UBTD1: variants seen among roughly 807,000 people sequenced by gnomAD.
UBTD1 encodes ubiquitin domain-containing protein 1.
Under a neutral mutation model 21.7 loss-of-function variants are expected in UBTD1, and 19 were observed. The observed-to-expected ratio is 0.87, with a 90% CI of 0.61 to 1.28. The LOEUF is 1.28. Ranked by LOEUF, UBTD1 falls within the 50% of genes most tolerant of loss-of-function variation. UBTD1 has a pLI of 0.00. For missense variants in UBTD1, 282 were observed against 315.1 expected, an observed-to-expected ratio of 0.89 and a Z score of 0.80; for synonymous variants, 116 against 135.1, an observed-to-expected ratio of 0.86 and a Z score of 0.98.
At chr10:97,518,283 T>C (rs1029191539) in intron 1 of UBTD1, among the ~76,000 whole-genome samples, 1 of 152,180 alleles carries the variant, frequency 6.6e-6, no homozygotes, top group Non-Finnish European at 1.5e-5. Context: ...TGCGGCTTCC[T>C]TCCTGTTTGA....
chr10:97,559,777 C>A (rs558617508), intron 1 of UBTD1, among the ~76,000 whole-genome samples: 1 of 152,054 alleles, frequency 6.6e-6, no homozygotes, highest in South Asian at 2.1e-4. Context: ...TCCAGTTCAC[C>A]GAAAAACTGG....
chr10:97,570,276 G>A lies in UBTD1; in HGVS notation c.437G>A (p.Arg146His), dbSNP rs762075717. 9 of 1,613,030 alleles carry A rather than the reference G, an allele frequency of 5.6e-6. No individual in the cohort carries two copies. Among genetic ancestry groups the A allele is most frequent in the African/African-American group, 2.7e-5 (2 of 74,928 alleles). ...CCCCCCGAGCCTCCACCCAGCGTGC[G>A]CCGTGAGTTCCCGCTGAAGGTGCGC... ...LEPPEPPPSV[R>H]REFPLKVRLS... The change falls in exon 3 of 3, where the codon CGC (arginine) becomes CAC (histidine). Residue 146 changes from arginine (R) to histidine (H), a missense_variant. Physicochemically the swap from Arg to His is conservative, Grantham distance 29. Coordinates refer to ENST00000370664, the MANE Select transcript of UBTD1 (RefSeq NM_024954.5). The surrounding 1 kb of genome is among the most constrained non-coding windows in gnomAD (Gnocchi z 6.6).
At chr10:97,500,024 C>T (rs1005471714) in intron 1 of UBTD1, among the ~76,000 whole-genome samples, 1 of 152,202 alleles carries the variant, frequency 6.6e-6, no homozygotes, top group African/African-American at 2.4e-5. Context: ...GGGTCTTACA[C>T]TCACTTCCTT....
At chr10:97,558,106 G>A (rs534374077) in intron 1 of UBTD1, among the ~76,000 whole-genome samples, 2 of 152,126 alleles carry the variant, frequency 1.3e-5, no homozygotes, top group Non-Finnish European at 2.9e-5. Flanking sequence ...TCACTTTGCA[G>A]GGGTTGGCGA....
intron 1 of UBTD1, among the ~76,000 whole-genome samples, chr10:97,520,712 C>T (rs1448655042): frequency 6.6e-6 from 1 of 152,122 alleles, no homozygotes; most frequent in African/African-American, 2.4e-5. Context: ...CCATGTACCA[C>T]CTTTGGGTGA....
At chr10:97,509,632 G>A (rs2040413639) in intron 1 of UBTD1, among the ~76,000 whole-genome samples, 1 of 152,088 alleles carries the variant, frequency 6.6e-6, no homozygotes, top group African/African-American at 2.4e-5. Flanking sequence ...CAATCACAAG[G>A]GCTGGCCATG....
intron 1 of UBTD1, among the ~76,000 whole-genome samples, chr10:97,518,298 G>A (rs925904314): frequency 2.6e-5 from 4 of 152,152 alleles, no homozygotes; most frequent in East Asian, 1.9e-4. Context: ...GTTTGATGCC[G>A]ACCTCGCTCC....
chr10:97,521,795 C>A (rs1457486786), intron 1 of UBTD1, among the ~76,000 whole-genome samples: 2 of 152,214 alleles, frequency 1.3e-5, no homozygotes, highest in African/African-American at 4.8e-5. Context: ...ACCCACCTGG[C>A]CAGGCTCTGG....
At chr10:97,553,043 G>A (rs186330282) in intron 1 of UBTD1, among the ~76,000 whole-genome samples, 1 of 152,344 alleles carries the variant, frequency 6.6e-6, no homozygotes, top group African/African-American at 2.4e-5. Context: ...TCAGTACCTC[G>A]CAGAGGCGTG....
intron 1 of UBTD1, among the ~76,000 whole-genome samples, chr10:97,518,665 C>T (rs2040454624): frequency 6.6e-6 from 1 of 152,230 alleles, no homozygotes; most frequent in Non-Finnish European, 1.5e-5. Context: ...AGCTGTGCAT[C>T]TCCCTGGTCT....
At chr10:97,553,463 T>C (rs937911331) in intron 1 of UBTD1, among the ~76,000 whole-genome samples, 1 of 152,228 alleles carries the variant, frequency 6.6e-6, no homozygotes, top group African/African-American at 2.4e-5. Flanking sequence ...ATTAATATGT[T>C]CATCATCGAC....
intron 1 of UBTD1, among the ~76,000 whole-genome samples, chr10:97,516,577 C>A (rs1055255525): frequency 1.7e-4 from 26 of 151,984 alleles, no homozygotes; most frequent in African/African-American, 5.8e-4. Context: ...AGATCAAGAC[C>A]ATCCTGGCTA....
intron 1 of UBTD1, among the ~76,000 whole-genome samples, chr10:97,528,964 C>G (rs1246459267): frequency 1.3e-5 from 2 of 151,878 alleles, no homozygotes; most frequent in African/African-American, 2.4e-5. Context: ...ACCTCCCTCC[C>G]GGACAGGGTG....
At chr10:97,534,628 A>G (rs1343352088) in intron 1 of UBTD1, among the ~76,000 whole-genome samples, 1 of 151,242 alleles carries the variant, frequency 6.6e-6, no homozygotes, top group African/African-American at 2.4e-5. Flanking sequence ...TTACTCCTAA[A>G]AAAGCTAATA....
At chr10:97,509,737 G>A (rs373288738) in intron 1 of UBTD1, among the ~76,000 whole-genome samples, 3 of 151,960 alleles carry the variant, frequency 2.0e-5, no homozygotes, top group Admixed American at 6.6e-5. Context: ...TGCAACTTCC[G>A]CCTCCTGGAT....
At chr10:97,521,910 C>T (rs929953916) in intron 1 of UBTD1, among the ~76,000 whole-genome samples, 1 of 152,224 alleles carries the variant, frequency 6.6e-6, no homozygotes, top group African/African-American at 2.4e-5. Flanking sequence ...CAGATGTTTG[C>T]GTCATTGGAC....
At chr10:97,546,934 C>T (rs1019084152) in intron 1 of UBTD1, among the ~76,000 whole-genome samples, 4 of 152,040 alleles carry the variant, frequency 2.6e-5, no homozygotes, top group Non-Finnish European at 5.9e-5. Context: ...TCTCTGTCTC[C>T]GTCTCTCTCT....
chr10:97,550,952 A>G (rs544630857), intron 1 of UBTD1, among the ~76,000 whole-genome samples: 349 of 152,240 alleles, frequency 2.3e-3, no homozygotes, highest in African/African-American at 7.9e-3. Flanking sequence ...CTTCCCTCCC[A>G]AATCAGCTCT....
chr10:97,531,982 A>G (rs1199771251), intron 1 of UBTD1, among the ~76,000 whole-genome samples: 4 of 152,188 alleles, frequency 2.6e-5, no homozygotes, highest in Non-Finnish European at 5.9e-5. Context: ...GGGGGCCAAG[A>G]CCAGCAGGAA....
Sources: gnomAD v4.1 joint callset for allele counts (sites outside exome capture counted in the v4.1 genomes callset) on GRCh38, gnomAD v4.1.1 for gene constraint, Gnocchi (gnomAD v3.1) non-coding constraint, MANE v1.5 for transcripts, NCBI Gene and HGNC (gene_info 2026-07-23, HGNC 2026-07-21) for gene names.